The following UBE2G1 variants were observed in gnomAD, a reference collection of about 807,000 sequenced individuals.
The protein encoded by UBE2G1 is ubiquitin conjugating enzyme E2 G1, also known as ubiquitin-conjugating enzyme E2 G1.
In UBE2G1, 5 loss-of-function variants were observed where a neutral mutation model predicts 22.7. That is an observed-to-expected ratio of 0.22 (90% CI 0.12 to 0.46). The LOEUF (loss-of-function observed/expected upper bound fraction) is 0.46. Ranked by LOEUF, UBE2G1 falls within the 20% of genes least tolerant of loss-of-function variation. The pLI is 0.99. For synonymous variants in UBE2G1, 74 were observed against 67.5 expected (o/e 1.10, Z -0.47); for missense variants, 88 against 203.9 (o/e 0.43, Z 3.46).
intron 1 of UBE2G1, among the ~76,000 whole-genome samples, chr17:4,329,117 A>C (rs1034723391): frequency 9.2e-6 from 1 of 109,218 alleles, no homozygotes; most frequent in Non-Finnish European, 2.3e-5. Context: ...AAGAAAAAAA[A>C]AAAAAAAAAA....
intron 1 of UBE2G1, among the ~76,000 whole-genome samples, chr17:4,326,315 G>C (rs992961813): frequency 1.3e-5 from 2 of 152,058 alleles, no homozygotes; most frequent in African/African-American, 4.8e-5. Context: ...AAAGATGTCT[G>C]GTCAACAAGC....
At chr17:4,301,575 T>A (rs904257170) in intron 2 of UBE2G1, 18 of 1,337,298 alleles carry the variant, frequency 1.3e-5, no homozygotes, top group Non-Finnish European at 1.8e-5. Flanking sequence ...TGTAGTTTTG[T>A]GTTTCTTTGG....
chr17:4,349,195 G>T (rs1029079380), intron 1 of UBE2G1, among the ~76,000 whole-genome samples: 1 of 151,714 alleles, frequency 6.6e-6, no homozygotes, highest in Non-Finnish European at 1.5e-5. Flanking sequence ...TGGCGCATGC[G>T]TGTAGTCCCA....
At chr17:4,313,918 T>C (rs1186546754) in intron 1 of UBE2G1, among the ~76,000 whole-genome samples, 1 of 152,060 alleles carries the variant, frequency 6.6e-6, no homozygotes, top group Non-Finnish European at 1.5e-5. Flanking sequence ...TCCTTGAGAG[T>C]AATGACTTCT....
intron 2 of UBE2G1, among the ~76,000 whole-genome samples, chr17:4,297,160 T>C (rs1969122015): frequency 6.6e-6 from 1 of 152,208 alleles, no homozygotes; most frequent in Non-Finnish European, 1.5e-5. Context: ...CACCAATTTC[T>C]CTATGTTGAT....
At position 4,277,543 on chromosome 17, in the gene UBE2G1, T is replaced by A. The variant is rs375459593; in HGVS notation, c.*38-5027A>T. On this transcript the variant is annotated intron_variant, in intron 5 of 5. Coordinates refer to ENST00000396981, the MANE Select transcript of UBE2G1 (RefSeq NM_003342.5). Reference sequence around the variant, plus strand: ...AATTAGAACATAAGGGTACTAATAATCTCTATATAGGACAAGGTATAAACA... The same window carrying A: ...AATTAGAACATAAGGGTACTAATAAACTCTATATAGGACAAGGTATAAACA... 6.6e-5 allele frequency among the ~76,000 whole-genome samples: 10 copies of A among 152,256 alleles called. No homozygotes were observed. The East Asian group carries it at 1.9e-3, about 29-fold the overall frequency.
At chr17:4,289,859 G>GA (rs1197836796) in intron 3 of UBE2G1, among the ~76,000 whole-genome samples, 1 of 152,142 alleles carries the variant, frequency 6.6e-6, no homozygotes. Context: ...CAAAGGCCCA[G>GA]AGACTATTCC....
intron 5 of UBE2G1, among the ~76,000 whole-genome samples, chr17:4,273,329 A>G (rs1312668532): frequency 6.6e-6 from 1 of 152,332 alleles, no homozygotes; most frequent in East Asian, 1.9e-4. Context: ...AAAAGTTAGA[A>G]AAACACTAGG....
chr17:4,291,378 G>C (rs1598182321), intron 3 of UBE2G1, among the ~76,000 whole-genome samples: 1 of 143,146 alleles, frequency 7.0e-6, no homozygotes, highest in Non-Finnish European at 1.5e-5. Flanking sequence ...AAAAAAAAAG[G>C]AATAACATCA....
intron 1 of UBE2G1, 40 bp from the exon 2 acceptor site, chr17:4,307,163 A>AT: frequency 6.6e-7 from 1 of 1,516,538 alleles, no homozygotes; most frequent in African/African-American, 1.4e-5. Context: ...ATTTAAGCAC[A>AT]TAATTTGCAT....
At chr17:4,326,166 T>C (rs1359443269) in intron 1 of UBE2G1, among the ~76,000 whole-genome samples, 1 of 151,148 alleles carries the variant, frequency 6.6e-6, no homozygotes, top group Non-Finnish European at 1.5e-5. Context: ...CCCAAAAAAA[T>C]GGGAAAAATA....
chr17:4,317,907 A>G (rs1165235494), intron 1 of UBE2G1, among the ~76,000 whole-genome samples: 1 of 152,236 alleles, frequency 6.6e-6, no homozygotes, highest in Non-Finnish European at 1.5e-5. Context: ...ACTAGTTTAT[A>G]GTGTCACACA....
intron 5 of UBE2G1, among the ~76,000 whole-genome samples, chr17:4,275,873 C>T (rs1488574494): frequency 6.6e-6 from 1 of 152,196 alleles, no homozygotes; most frequent in Non-Finnish European, 1.5e-5. Context: ...TTTTCCCCCA[C>T]ACTGGGACCG....
chr17:4,347,074 G>A (rs1420298374), intron 1 of UBE2G1, among the ~76,000 whole-genome samples: 3 of 151,928 alleles, frequency 2.0e-5, no homozygotes, highest in Non-Finnish European at 4.4e-5. Flanking sequence ...GATCGCTTGA[G>A]CCCAGGAGGC....
chr17:4,336,142 C>T (rs750021250), intron 1 of UBE2G1, among the ~76,000 whole-genome samples: 13 of 151,912 alleles, frequency 8.6e-5, no homozygotes, highest in Non-Finnish European at 1.9e-4. Context: ...GCTAGACTGT[C>T]TCAAAAAGAA....
intron 1 of UBE2G1, among the ~76,000 whole-genome samples, chr17:4,313,976 G>C (rs1969339948): frequency 6.6e-6 from 1 of 152,132 alleles, no homozygotes; most frequent in South Asian, 2.1e-4. Context: ...TGCTAAGATA[G>C]AGTCATTACC....
intron 2 of UBE2G1, among the ~76,000 whole-genome samples, chr17:4,303,336 G>A (rs936706145): frequency 3.3e-5 from 5 of 151,858 alleles, no homozygotes; most frequent in East Asian, 3.9e-4. Context: ...AGTGTCCTTC[G>A]AATTATAATT....
At chr17:4,273,383 T>TGCTG (rs1968783055) in intron 5 of UBE2G1, among the ~76,000 whole-genome samples, 5 of 152,224 alleles carry the variant, frequency 3.3e-5, no homozygotes, top group Non-Finnish European at 7.3e-5. Flanking sequence ...GGTCCCACTC[T>TGCTG]GTCCCTCATG....
At position 4,279,370 on chromosome 17, in the gene UBE2G1, T is replaced by C. The variant is rs537540230; in HGVS notation, c.*37+3428A>G. On this transcript the variant is annotated intron_variant, in intron 5 of 5. Coordinates refer to ENST00000396981, the MANE Select transcript of UBE2G1 (RefSeq NM_003342.5). ...GAACATAACAGGCACTGTGTACCAGTGGTGAAAGCAAGGACTTGTCAATAA... is the reference window on the plus strand; with the variant it reads ...GAACATAACAGGCACTGTGTACCAGCGGTGAAAGCAAGGACTTGTCAATAA... Among the ~76,000 whole-genome samples the C allele has an allele frequency of 2.6e-5, 4 of 151,674 alleles. No individual in the cohort carries two copies. In the South Asian group the frequency reaches 8.4e-4, roughly 32 times the overall value.
Sources: gnomAD v4.1 joint callset for allele counts (sites outside exome capture counted in the v4.1 genomes callset) on GRCh38, gnomAD v4.1.1 for gene constraint, MANE v1.5 for transcripts, NCBI Gene and HGNC (gene_info 2026-07-23, HGNC 2026-07-21) for gene names.